Variants in MKX observed in about 807,000 individuals in gnomAD.
MKX encodes the protein mohawk homeobox.
MKX carries 13 observed loss-of-function variants against 36.0 expected under a neutral mutation model. The ratio of observed to expected loss-of-function variants is 0.36; its 90% CI spans 0.24 to 0.57. The LOEUF (loss-of-function observed/expected upper bound fraction) is 0.57. Ranked by LOEUF, MKX falls within the 20% of genes least tolerant of loss-of-function variation. MKX has a pLI of 0.79. For missense variants in MKX, 458 were observed against 456.4 expected, an observed-to-expected ratio of 1.00 and a Z score of -0.03; for synonymous variants, 176 against 178.3, an observed-to-expected ratio of 0.99 and a Z score of 0.10.
intron 2 of MKX, 138 bp downstream of exon 2, chr10:27,743,089 AG>A: frequency 1.4e-6 from 1 of 730,890 alleles, no homozygotes; most frequent in Non-Finnish European, 2.0e-6. Flanking sequence ...CGAGCCCTGG[AG>A]GGGCAGACCT....
chr10:27,704,994 C>T (rs1564353870), intron 5 of MKX, among the ~76,000 whole-genome samples: 2 of 152,094 alleles, frequency 1.3e-5, no homozygotes. Context: ...ATTAATAAAA[C>T]ATTATCCATC....
At chr10:27,734,371 C>T in intron 5 of MKX, 85 bp downstream of exon 5, 1 of 1,214,390 alleles carries the variant, frequency 8.2e-7, no homozygotes, top group Non-Finnish European at 1.2e-6. Context: ...TGTCTTTATA[C>T]CTGTTAAAAT....
chr10:27,715,519 C>T (rs550184071), intron 5 of MKX, among the ~76,000 whole-genome samples: 1 of 152,188 alleles, frequency 6.6e-6, no homozygotes, highest in East Asian at 1.9e-4. Context: ...AAGCCAAGGA[C>T]TCTCCCTGCA....
chr10:27,700,799 G>A (rs997089678), intron 5 of MKX, among the ~76,000 whole-genome samples: 6 of 152,086 alleles, frequency 3.9e-5, no homozygotes, highest in Non-Finnish European at 7.4e-5. Flanking sequence ...TTTACTTAGC[G>A]AGAAAAATCA....
In MKX at chr10:27,743,272, G is replaced by A. The variant is rs1050354599; in HGVS notation, c.144C>T (p.Gly48=). The A allele has an allele frequency of 1.3e-6, 2 of 1,549,612 alleles. No individual in the cohort carries two copies. Among genetic ancestry groups the A allele is most frequent in the Non-Finnish European group, 1.7e-6 (2 of 1,152,936 alleles). Reference sequence around the variant, plus strand: ...GGCCGAGGTTGTCCTTGAGGGGCGGGCCGTCGGGAATGCCCACCTCGGGGC... The same window carrying A: ...GGCCGAGGTTGTCCTTGAGGGGCGGACCGTCGGGAATGCCCACCTCGGGGC... ...HARPEVGIPD[G]PPLKDNLGLR... Residue 48 remains glycine, a synonymous_variant, in exon 2 of 7, where the codon GGC becomes GGT. Coordinates refer to ENST00000419761, the MANE Select transcript of MKX (RefSeq NM_173576.3).
At chr10:27,690,475 TTGTC>T (rs1192478986) in intron 5 of MKX, among the ~76,000 whole-genome samples, 3 of 152,218 alleles carry the variant, frequency 2.0e-5, no homozygotes, top group African/African-American at 7.2e-5. Flanking sequence ...TATACAGTAT[TTGTC>T]TGAGGCACTG....
chr10:27,700,788 G>A (rs1836637143), intron 5 of MKX, among the ~76,000 whole-genome samples: 2 of 152,088 alleles, frequency 1.3e-5, no homozygotes, highest in African/African-American at 4.8e-5. Flanking sequence ...GTCCTCTGAA[G>A]TTTACTTAGC....
chr10:27,698,565 T>A (rs1226726319), intron 5 of MKX, among the ~76,000 whole-genome samples: 1 of 151,954 alleles, frequency 6.6e-6, no homozygotes, highest in Non-Finnish European at 1.5e-5. Flanking sequence ...GGTGACTGGG[T>A]GGTCGGCAAC....
At chr10:27,740,881 C>T (rs546968386) in intron 3 of MKX, among the ~76,000 whole-genome samples, 1 of 152,274 alleles carries the variant, frequency 6.6e-6, no homozygotes, top group South Asian at 2.1e-4. Context: ...TTACTCTGTA[C>T]CTGAGCTTTA....
At position 27,722,433 on chromosome 10, in the gene MKX, A is replaced by G. The variant is rs7080403; in HGVS notation, c.838+12023T>C. 8.1e-3 allele frequency among the ~76,000 whole-genome samples: 1,230 copies of G among 152,334 alleles called. 20 individuals carry two copies. The highest frequency in any genetic ancestry group is 0.028 in the African/African-American group (1,173 of 41,574). On this transcript the variant is annotated intron_variant, in intron 5 of 6. Transcript: ENST00000419761. ...CTCTCTGTGCATTGCACAGAATTGC[A>G]TGCTGTCAGAGATGTAAGGTACTTA...
chr10:27,673,842 C>T lies in MKX; in HGVS notation c.*1387G>A, dbSNP rs186038320. The T allele has an allele frequency of 6.6e-6, 1 of 152,334 alleles. No individual in the cohort carries two copies. Among genetic ancestry groups the T allele is most frequent in the Non-Finnish European group, 1.5e-5 (1 of 67,924 alleles). The allele number at this position is 152,334 out of a possible 1,614,324, so 9.4% of individuals were successfully genotyped here. On this transcript the variant is annotated 3_prime_UTR_variant, in exon 7 of 7. Transcript: ENST00000419761. ...ATGTCACCACTGGCTGCACTATTGACCCTCATTCACACTGACAAAAATGCT... is the reference window on the plus strand; with the variant it reads ...ATGTCACCACTGGCTGCACTATTGATCCTCATTCACACTGACAAAAATGCT...
chr10:27,741,530 C>A lies in MKX; in HGVS notation c.189-26G>T. On this transcript the variant is annotated intron_variant, in intron 2 of 6. Transcript: ENST00000419761. This position sits in a 1 kb window ranked among gnomAD's most constrained non-coding sequence, Gnocchi z 5.1. ...CTGGGACATGGGGAGAGGAGGCGGC[C>A]CTGGTGAGCGACGCGTTTGCCCGCC... 2 of 1,546,332 alleles carry A rather than the reference C, an allele frequency of 1.3e-6. No individual in the cohort carries two copies. The highest frequency in any genetic ancestry group is 1.2e-5 in the South Asian group (1 of 82,898).
At chr10:27,694,527 A>AATATAT (rs1554770422) in intron 5 of MKX, among the ~76,000 whole-genome samples, 60 of 114,306 alleles carry the variant, frequency 5.2e-4, no homozygotes, top group African/African-American at 1.1e-3. Flanking sequence ...AAAAAAAAAA[A>AATATAT]ATATATATAT....
At chr10:27,714,844 G>A (rs182573232) in intron 5 of MKX, among the ~76,000 whole-genome samples, 105 of 152,332 alleles carry the variant, frequency 6.9e-4, no homozygotes, top group Non-Finnish European at 1.3e-3. Context: ...TTTTTGGAAT[G>A]TATCTATTCT....
At chr10:27,683,822 A>G (rs1468131642) in intron 5 of MKX, among the ~76,000 whole-genome samples, 4 of 152,154 alleles carry the variant, frequency 2.6e-5, no homozygotes, top group Non-Finnish European at 5.9e-5. Context: ...CTCCCTGAAG[A>G]TTCTGAAATA....
At chr10:27,700,854 T>G (rs1836638264) in intron 5 of MKX, among the ~76,000 whole-genome samples, 1 of 152,212 alleles carries the variant, frequency 6.6e-6, no homozygotes, top group African/African-American at 2.4e-5. Context: ...TCATTTTAAT[T>G]TATACAATAA....
At position 27,711,493 on chromosome 10, in the gene MKX, C is replaced by CT. The variant is rs1564357008; in HGVS notation, c.838+22962dup. On this transcript the variant is annotated intron_variant, in intron 5 of 6. Transcript: ENST00000419761. ...TTTCTTTCTTTCTTTCTCTCTCTCT[C>CT]TCTTCTTTCCTTCCTTCCTTCCTTC... 2.6e-3 allele frequency among the ~76,000 whole-genome samples: 78 copies of CT among 30,524 alleles called. 1 individual carries two copies. Among genetic ancestry groups the CT allele is most frequent in the African/African-American group, 0.011 (70 of 6,576 alleles). 20.0% of individuals were successfully genotyped at this position (30,524 alleles called of 152,430 possible). A position where few individuals can be genotyped will look rare whatever the true frequency, so the allele number is the denominator to read the frequency against.
chr10:27,730,074 A>C (rs1349685351), intron 5 of MKX, among the ~76,000 whole-genome samples: 1 of 152,208 alleles, frequency 6.6e-6, no homozygotes. Context: ...AACAAATTAT[A>C]ATTTTAATTT....
chr10:27,689,716 C>T (rs1031095814), intron 5 of MKX, among the ~76,000 whole-genome samples: 1 of 151,430 alleles, frequency 6.6e-6, no homozygotes, highest in Non-Finnish European at 1.5e-5. Flanking sequence ...CTCATCTCCA[C>T]TTTAAATCTT....
Sources: allele counts gnomAD v4.1 joint callset (sites outside exome capture counted in the v4.1 genomes callset), GRCh38; gene constraint gnomAD v4.1.1; non-coding constraint Gnocchi (gnomAD v3.1); transcripts MANE v1.5; gene names NCBI Gene and HGNC (gene_info 2026-07-23, HGNC 2026-07-21).